MTM1: variants seen among roughly 807,000 people sequenced by gnomAD.
MTM1 encodes the protein myotubularin 1, also known as myotubularin.
In MTM1, 9 loss-of-function variants were observed where a neutral mutation model predicts 52.1. The ratio of observed to expected loss-of-function variants is 0.17; its 90% CI spans 0.10 to 0.30. The LOEUF (loss-of-function observed/expected upper bound fraction) is 0.30, where lower values mean the gene tolerates loss of function less well. Among genes scored for constraint, MTM1 ranks in the 10% least tolerant of loss-of-function variants. MTM1 has a pLI of 1.00. For missense variants in MTM1, 277 were observed against 470.7 expected (o/e 0.59, Z 3.81); for synonymous variants, 136 against 163.8 (o/e 0.83, Z 1.29).
At chrX:150,609,267 G>A (rs782705402) in intron 4 of MTM1, among the ~76,000 whole-genome samples, 1 of 111,690 alleles carries the variant, frequency 9.0e-6, no homozygotes, top group East Asian at 2.8e-4. Context: ...GGGAATGATC[G>A]TAGATTTTGA....
chrX:150,562,850 G>A, the MTM1 span, among the ~76,000 whole-genome samples: 1 of 111,388 alleles, frequency 9.0e-6, no homozygotes, highest in Non-Finnish European at 1.9e-5. Flanking sequence ...GTCTGCCCAG[G>A]AGCAGAGTGT....
intron 1 of MTM1, among the ~76,000 whole-genome samples, chrX:150,578,283 A>G (rs191399592): frequency 6.1e-4 from 68 of 112,007 alleles, no homozygotes; most frequent in Non-Finnish European, 1.1e-3. Context: ...AGGGCCTTCA[A>G]CCATGCAGCC....
At chrX:150,608,820 G>A (rs781847221) in intron 4 of MTM1, among the ~76,000 whole-genome samples, 3 of 109,935 alleles carry the variant, frequency 2.7e-5, no homozygotes, top group South Asian at 3.9e-4. Context: ...TGATGATGAT[G>A]ATGATGATGA....
At chrX:150,612,314 G>A (rs1190737525) in intron 4 of MTM1, among the ~76,000 whole-genome samples, 1 of 111,646 alleles carries the variant, frequency 9.0e-6, no homozygotes, top group East Asian at 2.8e-4. Flanking sequence ...ATGGATGCTC[G>A]CAGCCTTACA....
At chrX:150,614,017 A>T (rs2039338500) in intron 4 of MTM1, among the ~76,000 whole-genome samples, 1 of 112,371 alleles carries the variant, frequency 8.9e-6, no homozygotes, top group Non-Finnish European at 1.9e-5. Context: ...AGAGTGAAGC[A>T]AGTGGTTAAC....
At chrX:150,597,808 T>A (rs1343380546) in intron 3 of MTM1, among the ~76,000 whole-genome samples, 1 of 111,839 alleles carries the variant, frequency 8.9e-6, no homozygotes, top group Non-Finnish European at 1.9e-5. Context: ...AGAAAAAGGT[T>A]TGGTGCGGTG....
At chrX:150,621,772 G>T (rs1162394808) in intron 6 of MTM1, among the ~76,000 whole-genome samples, 1 of 111,648 alleles carries the variant, frequency 9.0e-6, no homozygotes, top group Non-Finnish European at 1.9e-5. Flanking sequence ...GTTAGTCTTT[G>T]CAAGTTCCTC....
chrX:150,629,204 G>A (rs1224078963), intron 6 of MTM1, among the ~76,000 whole-genome samples: 8 of 111,711 alleles, frequency 7.2e-5, no homozygotes, highest in South Asian at 3.8e-4. Context: ...ACCTCTCTCC[G>A]TTGTTTGTTA....
chrX:150,658,270 T>G (rs781811846), intron 11 of MTM1, among the ~76,000 whole-genome samples: 1 of 112,288 alleles, frequency 8.9e-6, no homozygotes, highest in South Asian at 3.7e-4. Flanking sequence ...AATGTTTACA[T>G]TGAAATTTCA....
intron 6 of MTM1, among the ~76,000 whole-genome samples, chrX:150,622,974 G>T (rs1291013256): frequency 1.8e-5 from 2 of 111,672 alleles, no homozygotes; most frequent in African/African-American, 6.5e-5. Context: ...GAAGTTATGG[G>T]CTCCTTTGAG....
At chrX:150,612,691 T>C (rs1044540946) in intron 4 of MTM1, among the ~76,000 whole-genome samples, 1 of 111,363 alleles carries the variant, frequency 9.0e-6, no homozygotes, top group Admixed American at 9.5e-5. Flanking sequence ...CAAAAAACTT[T>C]TAAAAAATTT....
chrX:150,591,522 C>T (rs782447571), intron 1 of MTM1, among the ~76,000 whole-genome samples: 1 of 112,780 alleles, frequency 8.9e-6, no homozygotes, highest in South Asian at 3.6e-4. Flanking sequence ...TCTGTGACTT[C>T]GTCACCTTTC....
At chrX:150,640,757 C>A (rs2039834518) in intron 7 of MTM1, among the ~76,000 whole-genome samples, 1 of 111,700 alleles carries the variant, frequency 9.0e-6, no homozygotes, top group Non-Finnish European at 1.9e-5. Flanking sequence ...CCAGAGGGAT[C>A]TTCCTTTACT....
At chrX:150,595,051 A>T (rs1557412576) in intron 2 of MTM1, among the ~76,000 whole-genome samples, 5 of 111,555 alleles carry the variant, frequency 4.5e-5, no homozygotes, top group Non-Finnish European at 9.4e-5. Flanking sequence ...CTGAATGAAA[A>T]AAAAAAACAT....
intron 1 of MTM1, among the ~76,000 whole-genome samples, chrX:150,570,281 G>GA (rs1323213075): frequency 9.0e-6 from 1 of 111,341 alleles, no homozygotes; most frequent in Admixed American, 9.5e-5. Flanking sequence ...AGCGCTATGA[G>GA]AAAAAATAGA....
At chrX:150,612,299 A>T (rs2049354307) in intron 4 of MTM1, among the ~76,000 whole-genome samples, 2 of 111,783 alleles carry the variant, frequency 1.8e-5, no homozygotes, top group South Asian at 7.4e-4. Context: ...GTGGTATTCC[A>T]TGGTATGGAT....
At chrX:150,645,992 T>C in intron 9 of MTM1, 121 bp downstream of exon 9, 2 of 640,867 alleles carry the variant, frequency 3.1e-6, no homozygotes, top group Middle Eastern at 3.6e-4. Context: ...AGAAAACCAG[T>C]TCTCTTAGAC....
Position 150,652,654 on chromosome X carries a change from T to TACACACACAC in MTM1, c.1053+2754_1053+2755insCACACACACA, listed in dbSNP as rs1362808073. Reference sequence around the variant, plus strand: ...ATATATACGTGTGTGTGTGTATATATATATACACACACACACACACACACA... The same window carrying TACACACACAC: ...ATATATACGTGTGTGTGTGTATATATACACACACACATATACACACACACACACACACACA... On this transcript the variant is annotated intron_variant, in intron 10 of 14. Transcript: ENST00000370396. 5.8e-4 allele frequency among the ~76,000 whole-genome samples: 26 copies of TACACACACAC among 44,676 alleles called. 1 individual carries two copies. The highest frequency in any genetic ancestry group is 2.1e-3 in the African/African-American group (24 of 11,291). 38.8% of individuals were successfully genotyped at this position (44,676 alleles called of 115,157 possible).
At chrX:150,643,611 A>G (rs1240233491) in intron 8 of MTM1, among the ~76,000 whole-genome samples, 1 of 111,866 alleles carries the variant, frequency 8.9e-6, no homozygotes, top group African/African-American at 3.2e-5. Flanking sequence ...TTATTCTATA[A>G]TTTGTGTCTT....
Sources: allele counts gnomAD v4.1 joint callset (sites outside exome capture counted in the v4.1 genomes callset), GRCh38; gene constraint gnomAD v4.1.1; transcripts MANE v1.5; gene names NCBI Gene and HGNC (gene_info 2026-07-23, HGNC 2026-07-21).